MAPK9: variants seen among roughly 807,000 people sequenced by gnomAD.
MAPK9 encodes Jun kinase.
Under a neutral mutation model 57.1 loss-of-function variants are expected in MAPK9, and 30 were observed. The ratio of observed to expected loss-of-function variants is 0.53; its 90% CI spans 0.39 to 0.71. MAPK9 has a LOEUF of 0.71. Ranked by LOEUF, MAPK9 falls within the 30% of genes least tolerant of loss-of-function variation. The pLI, the probability that MAPK9 is intolerant of heterozygous loss-of-function variation, is 0.00. For missense variants in MAPK9, 362 were observed against 521.0 expected (o/e 0.69, Z 2.97); for synonymous variants, 155 against 177.0 (o/e 0.88, Z 0.99).
chr5:180,260,540 G>A (rs1031527253), intron 5 of MAPK9, among the ~76,000 whole-genome samples: 3 of 152,144 alleles, frequency 2.0e-5, no homozygotes, highest in African/African-American at 4.8e-5. Context: ...TCTCTGGACT[G>A]TTGATTTCCA....
intron 2 of MAPK9, chr5:180,279,742 A>G (rs1762141732): frequency 2.3e-6 from 1 of 425,710 alleles, no homozygotes; most frequent in African/African-American, 2.0e-5. Context: ...TAAGGGGTAA[A>G]AAGTGTGGGA....
In MAPK9 at chr5:180,280,605, A is replaced by G; in HGVS notation, c.-44T>C. On this transcript the variant is annotated 5_prime_UTR_variant, in exon 2 of 12. Transcript: ENST00000452135. Reference sequence around the variant, plus strand: ...ATCCCGAAGGGTGGGCAAGTTTCAGATCCCTTCAAAGAAAAACAGAATGAA... The same window carrying G: ...ATCCCGAAGGGTGGGCAAGTTTCAGGTCCCTTCAAAGAAAAACAGAATGAA... 1.3e-6 allele frequency: 2 copies of G among 1,598,468 alleles called. No homozygotes were observed. Among genetic ancestry groups the G allele is most frequent in the Non-Finnish European group, 1.7e-6 (2 of 1,171,332 alleles).
chr5:180,281,792 C>T (rs954939546), intron 1 of MAPK9, among the ~76,000 whole-genome samples: 5 of 152,228 alleles, frequency 3.3e-5, no homozygotes, highest in African/African-American at 1.2e-4. Flanking sequence ...CCACGGTCTT[C>T]TCCCCGTCCT....
intron 1 of MAPK9, among the ~76,000 whole-genome samples, chr5:180,282,226 A>G (rs1420783767): frequency 6.6e-6 from 1 of 152,236 alleles, no homozygotes; most frequent in Admixed American, 6.5e-5. Context: ...ATCTAAAGGA[A>G]GATCCTTTCT....
intron 6 of MAPK9, 149 bp downstream of exon 6, chr5:180,248,824 T>G (rs1382987149): frequency 1.8e-5 from 13 of 733,044 alleles, no homozygotes; most frequent in Non-Finnish European, 2.5e-5. Context: ...CACAATTAAT[T>G]ATTTCTTATC....
chr5:180,239,689 G>A (rs182051337), intron 10 of MAPK9, among the ~76,000 whole-genome samples: 48 of 152,188 alleles, frequency 3.2e-4, no homozygotes, highest in African/African-American at 1.1e-3. Flanking sequence ...GAAAAGCCAT[G>A]AAAAAAATAT....
intron 1 of MAPK9, among the ~76,000 whole-genome samples, chr5:180,282,301 C>A (rs1372531516): frequency 1.3e-5 from 2 of 152,140 alleles, no homozygotes; most frequent in African/African-American, 2.4e-5. Flanking sequence ...TAGGGGGTAC[C>A]TTTATGCACG....
chr5:180,247,169 G>C lies in MAPK9; in HGVS notation c.688+270C>G, dbSNP rs575623022. ...GTAAATAATTTCTTCTATGTGTCCAGCTATTTTTGGCAAAATTAAGAGCTA... is the reference window on the plus strand; with the variant it reads ...GTAAATAATTTCTTCTATGTGTCCACCTATTTTTGGCAAAATTAAGAGCTA... On this transcript the variant is annotated intron_variant, in intron 7 of 11. Coordinates refer to ENST00000452135, the MANE Select transcript of MAPK9 (RefSeq NM_002752.5). This position sits in a 1 kb window ranked among gnomAD's most constrained non-coding sequence, Gnocchi z 4.5. 30 of 507,962 alleles carry C rather than the reference G, an allele frequency of 5.9e-5. No homozygotes were observed. Among genetic ancestry groups the C allele is most frequent in the African/African-American group, 5.6e-4 (29 of 51,520 alleles). The allele number at this position is 507,962 out of a possible 1,614,324, so 31.5% of individuals were successfully genotyped here.
rs1196660742 is a variant in MAPK9, at chr5:180,235,040, T to C, written c.*1344A>G. 1.3e-5 allele frequency: 2 copies of C among 152,274 alleles called. No individual in the cohort carries two copies. The highest frequency in any genetic ancestry group is 4.8e-5 in the African/African-American group (2 of 41,472). 9.4% of individuals were successfully genotyped at this position (152,274 alleles called of 1,614,324 possible). On this transcript the variant is annotated 3_prime_UTR_variant, in exon 12 of 12. Transcript: ENST00000452135. ...AACGTGATCACCACAGCTCCGTTCCTGCAGTGACACTTAACATACTCAGCA... is the reference window on the plus strand; with the variant it reads ...AACGTGATCACCACAGCTCCGTTCCCGCAGTGACACTTAACATACTCAGCA...
intron 2 of MAPK9, among the ~76,000 whole-genome samples, chr5:180,275,673 G>C (rs1275011120): frequency 6.6e-6 from 1 of 152,184 alleles, no homozygotes; most frequent in Non-Finnish European, 1.5e-5. Flanking sequence ...TGAGCATGGG[G>C]GACAGTGGGA....
At chr5:180,278,278 G>C (rs943055021) in intron 2 of MAPK9, among the ~76,000 whole-genome samples, 10 of 152,208 alleles carry the variant, frequency 6.6e-5, no homozygotes, top group Non-Finnish European at 1.2e-4. Context: ...CTAGTCCTTC[G>C]ATTCACCACC....
chr5:180,239,840 G>C (rs1757504857), intron 10 of MAPK9, 84 bp downstream of exon 10: 1 of 1,362,624 alleles, frequency 7.3e-7, no homozygotes, highest in Non-Finnish European at 1.0e-6. Flanking sequence ...TTCCTGAAGG[G>C]AAATGTCACA....
intron 11 of MAPK9, 167 bp downstream of exon 11, chr5:180,238,165 G>A (rs1757336476): frequency 1.0e-5 from 5 of 484,992 alleles, no homozygotes; most frequent in Non-Finnish European, 1.9e-5. Flanking sequence ...AGCTACTCGG[G>A]AGGCTGAGGC....
At chr5:180,242,923 T>A in intron 7 of MAPK9, 168 bp from the exon 8 acceptor site, 2 of 523,084 alleles carry the variant, frequency 3.8e-6, no homozygotes, top group Admixed American at 6.9e-5. Context: ...AGTTACACTA[T>A]TTTTTAAAAC....
intron 5 of MAPK9, among the ~76,000 whole-genome samples, chr5:180,255,105 G>A (rs901470931): frequency 6.6e-5 from 10 of 152,080 alleles, no homozygotes; most frequent in African/African-American, 1.9e-4. Flanking sequence ...CACTGCCTCC[G>A]CCATTCTGAG....
chr5:180,284,421 G>C (rs1326536877), intron 1 of MAPK9, among the ~76,000 whole-genome samples: 1 of 152,196 alleles, frequency 6.6e-6, no homozygotes, highest in East Asian at 1.9e-4. Flanking sequence ...CAGGCTATGA[G>C]CAACTCAAAA....
chr5:180,254,009 C>T (rs2127588852), intron 5 of MAPK9, among the ~76,000 whole-genome samples: 1 of 123,344 alleles, frequency 8.1e-6, no homozygotes, highest in African/African-American at 3.1e-5. Context: ...TCTTGTTGCT[C>T]AGGCTGGAGT....
chr5:180,288,223 A>C (rs1762940302), intron 1 of MAPK9, among the ~76,000 whole-genome samples: 1 of 152,256 alleles, frequency 6.6e-6, no homozygotes, highest in African/African-American at 2.4e-5. Flanking sequence ...TACACTGCAG[A>C]GATGCAATCA....
intron 5 of MAPK9, among the ~76,000 whole-genome samples, chr5:180,252,962 TGGA>T (rs1212095449): frequency 6.6e-6 from 1 of 152,076 alleles, no homozygotes; most frequent in Non-Finnish European, 1.5e-5. Flanking sequence ...CCAACTTATG[TGGA>T]GAAGTAGAGC....
Sources: gnomAD v4.1 joint callset for allele counts (sites outside exome capture counted in the v4.1 genomes callset) on GRCh38, gnomAD v4.1.1 for gene constraint, Gnocchi (gnomAD v3.1) non-coding constraint, MANE v1.5 for transcripts, NCBI Gene and HGNC (gene_info 2026-07-23, HGNC 2026-07-21) for gene names.